Variants in ABCB7 observed in about 807,000 individuals in gnomAD.
The protein encoded by ABCB7 is iron-sulfur clusters transporter ABCB7, mitochondrial.
In ABCB7, 7 loss-of-function variants were observed where a neutral mutation model predicts 54.4. The observed-to-expected ratio is 0.13, with a 90% CI of 0.07 to 0.24. The LOEUF (loss-of-function observed/expected upper bound fraction) is 0.24, where lower values mean the gene tolerates loss of function less well. ABCB7 is among the 10% of genes least tolerant of loss of function. The probability of loss-of-function intolerance (pLI) is 1.00; values close to 1 mark genes in which losing one functional copy is unlikely to be tolerated. For missense variants in ABCB7, 356 were observed against 570.4 expected, an observed-to-expected ratio of 0.62 and a Z score of 3.83; for synonymous variants, 218 against 207.1, an observed-to-expected ratio of 1.05 and a Z score of -0.45.
At chrX:75,121,651 A>C (rs1187958219) in intron 1 of ABCB7, among the ~76,000 whole-genome samples, 1 of 111,875 alleles carries the variant, frequency 8.9e-6, no homozygotes, top group Non-Finnish European at 1.9e-5. Flanking sequence ...ACCCCACATC[A>C]ACTTGGTTCC....
chrX:75,146,968 A>G (rs1184968724), intron 1 of ABCB7, among the ~76,000 whole-genome samples: 2 of 109,278 alleles, frequency 1.8e-5, no homozygotes, highest in Non-Finnish European at 3.8e-5. Flanking sequence ...ACTTAAACAA[A>G]TTTACAAGAA....
In ABCB7 at chrX:75,061,385, C is replaced by T. The variant is rs73216288; in HGVS notation, c.1935+943G>A. 9.9e-3 allele frequency among the ~76,000 whole-genome samples: 1,106 copies of T among 111,729 alleles called. 5 individuals carry two copies. Among genetic ancestry groups the T allele is most frequent in the Non-Finnish European group, 0.017 (892 of 53,049 alleles). On this transcript the variant is annotated intron_variant, in intron 14 of 15. Coordinates refer to ENST00000373394, the MANE Select transcript of ABCB7 (RefSeq NM_001271696.3). ...GGTCTTTTAGTTTGTGGTAGTATGA[C>T]ACATTTTTAGGTAAAAAGTTCTTAT...
intron 4 of ABCB7, among the ~76,000 whole-genome samples, chrX:75,096,467 T>C (rs1325052243): frequency 1.8e-5 from 2 of 111,669 alleles, no homozygotes; most frequent in Admixed American, 9.5e-5. Flanking sequence ...TTTCCTCTAT[T>C]TACTTCCCTA....
rs770345646 is a variant in ABCB7 at position 75,095,778 on chromosome X, AT to A, written c.453+3163del. On this transcript the variant is annotated intron_variant, in intron 4 of 15. Transcript: ENST00000373394. ...TCAGTTTACATGAGTTTAGTATAGC[AT>A]TTTCCATCTTATGGGCACTCAGTAG... Among the ~76,000 whole-genome samples the A allele has an allele frequency of 2.7e-5, 3 of 112,160 alleles. No homozygotes were observed. In the East Asian group the frequency reaches 8.4e-4, roughly 31 times the overall value.
rs1461292584 is a variant in ABCB7 at position 75,073,959 on chromosome X, A to G, written c.856-3T>C. The G allele has an allele frequency of 8.4e-7, 1 of 1,190,486 alleles. No homozygotes were observed. Among genetic ancestry groups the G allele is most frequent in the Admixed American group, 2.2e-5 (1 of 45,916 alleles). ...AACTGGGCACCGCATTTGTAATACT[A>G]GAAAAGGAAGTCCAAAGAAGAAACG... On this transcript the variant is annotated splice_region_variant and splice_polypyrimidine_tract_variant and intron_variant, in intron 6 of 15. Transcript: ENST00000373394.
intron 1 of ABCB7, among the ~76,000 whole-genome samples, chrX:75,142,402 T>G (rs1317132496): frequency 8.9e-6 from 1 of 111,873 alleles, no homozygotes; most frequent in African/African-American, 3.2e-5. Flanking sequence ...CTCCAAATAT[T>G]TTAACCTGCA....
At chrX:75,064,881 G>C (rs1327469428) in intron 13 of ABCB7, among the ~76,000 whole-genome samples, 189 bp downstream of exon 13, 4 of 110,348 alleles carry the variant, frequency 3.6e-5, no homozygotes, top group Non-Finnish European at 7.6e-5. Flanking sequence ...AGACTTGCAT[G>C]ACTTGAGAAT....
At chrX:75,077,541 A>G (rs926947976) in intron 4 of ABCB7, among the ~76,000 whole-genome samples, 2 of 112,268 alleles carry the variant, frequency 1.8e-5, no homozygotes, top group African/African-American at 6.5e-5. Flanking sequence ...CATTAATAAC[A>G]TGTGAAAACA....
chrX:75,144,589 G>T (rs1403991969), intron 1 of ABCB7, among the ~76,000 whole-genome samples: 2 of 97,680 alleles, frequency 2.0e-5, no homozygotes, highest in African/African-American at 7.3e-5. Flanking sequence ...TAAAAGTATA[G>T]GTTATACTGA....
chrX:75,056,677 A>AT (rs928984229), intron 15 of ABCB7, among the ~76,000 whole-genome samples: 12 of 110,678 alleles, frequency 1.1e-4, no homozygotes, highest in Non-Finnish European at 1.9e-4. Flanking sequence ...GAGTTGGGAC[A>AT]TTTTTTTTAA....
chrX:75,104,901 A>G (rs986428773), intron 3 of ABCB7, among the ~76,000 whole-genome samples: 2 of 112,358 alleles, frequency 1.8e-5, no homozygotes, highest in Non-Finnish European at 3.8e-5. Flanking sequence ...ATGCAAATCA[A>G]TAAATGTGAT....
At chrX:75,137,289 C>A (rs2082017013) in intron 1 of ABCB7, among the ~76,000 whole-genome samples, 1 of 112,373 alleles carries the variant, frequency 8.9e-6, no homozygotes, top group Admixed American at 9.4e-5. Flanking sequence ...TACTCAACAT[C>A]ATTTATCATT....
chrX:75,085,265 T>A (rs908499826), intron 4 of ABCB7, among the ~76,000 whole-genome samples: 9 of 112,026 alleles, frequency 8.0e-5, no homozygotes, highest in African/African-American at 2.9e-4. Context: ...TATTCGGCAA[T>A]GAAAAGAAAC....
rs6647090 is a variant in ABCB7, at chrX:75,153,751, T to C, written c.168+2354A>G. ...GACTGTGTGTGTGTGTGTGTGCGTGTGTGTGTGTGTATATATATATATAAA... is the reference window on the plus strand; with the variant it reads ...GACTGTGTGTGTGTGTGTGTGCGTGCGTGTGTGTGTATATATATATATAAA... On this transcript the variant is annotated intron_variant, in intron 1 of 15. Transcript: ENST00000373394. Among the ~76,000 whole-genome samples the C allele has an allele frequency of 1.5e-4, 4 of 25,890 alleles. No homozygotes were observed. The Admixed American group carries it at 2.2e-3, about 14-fold the overall frequency. 22.5% of individuals were successfully genotyped at this position (25,890 alleles called of 115,157 possible).
rs1319646733 is a variant in ABCB7 at position 75,052,023 on chromosome X, CAAAA to C, written c.*1343_*1346del. On this transcript the variant is annotated 3_prime_UTR_variant, in exon 16 of 16. Coordinates refer to ENST00000373394, the MANE Select transcript of ABCB7 (RefSeq NM_001271696.3). ...GAAAAATGTGTAGTTTTGTCCAAAA[CAAAA>C]ACAGTGCCTCATATTTTTATGGAAA... 1 of 111,979 alleles carries C rather than the reference CAAAA, an allele frequency of 8.9e-6. No homozygotes were observed. Among genetic ancestry groups the C allele is most frequent in the Non-Finnish European group, 1.9e-5 (1 of 53,162 alleles). The allele number at this position is 111,979 out of a possible 1,213,427, so 9.2% of individuals were successfully genotyped here.
chrX:75,127,796 C>T (rs2081944997), intron 1 of ABCB7, among the ~76,000 whole-genome samples: 1 of 111,911 alleles, frequency 8.9e-6, no homozygotes, highest in Non-Finnish European at 1.9e-5. Context: ...CATTCTTATA[C>T]ACCAATAACA....
chrX:75,152,334 C>T (rs1426883837), intron 1 of ABCB7, among the ~76,000 whole-genome samples: 1 of 111,197 alleles, frequency 9.0e-6, no homozygotes, highest in Non-Finnish European at 1.9e-5. Flanking sequence ...ATAAGAGGGG[C>T]CAAAGAGCTG....
intron 4 of ABCB7, among the ~76,000 whole-genome samples, chrX:75,080,727 C>T (rs886242777): frequency 2.7e-5 from 3 of 111,835 alleles, no homozygotes; most frequent in African/African-American, 9.7e-5. Context: ...ATATTGATAC[C>T]TCACTGATGT....
Position 75,114,822 on chromosome X carries a change from A to T in ABCB7, c.178T>A (p.Ser60Thr). The T allele has an allele frequency of 4.2e-6, 5 of 1,197,994 alleles. No individual in the cohort carries two copies. The highest frequency in any genetic ancestry group is 5.6e-6 in the Non-Finnish European group (5 of 886,432). The change falls in exon 2 of 16, where the codon TCA (serine) becomes ACA (threonine). Residue 60 changes from serine (S) to threonine (T), a missense_variant. Transcript: ENST00000373394. Reference protein sequence around the residue: ...GTARAYQIPESLKSITWQRLG... With the variant: ...GTARAYQIPETLKSITWQRLG... ...CTCTGCCATGTGATACTTTTTAATG[A>T]CTCTGGAATCTGCTGACAAGGAAAA...
Sources: allele counts gnomAD v4.1 joint callset (sites outside exome capture counted in the v4.1 genomes callset), GRCh38; gene constraint gnomAD v4.1.1; transcripts MANE v1.5; gene names NCBI Gene and HGNC (gene_info 2026-07-23, HGNC 2026-07-21).